Variants in GPHN observed in about 807,000 individuals in gnomAD.
GPHN encodes gephyrin.
A neutral mutation model predicts 95.5 loss-of-function variants in GPHN; 17 were observed. The ratio of observed to expected loss-of-function variants is 0.18; its 90% CI spans 0.12 to 0.27. GPHN has a LOEUF of 0.27. GPHN is among the 10% of genes least tolerant of loss of function. The pLI, the probability that GPHN is intolerant of heterozygous loss-of-function variation, is 1.00. For synonymous variants in GPHN, 320 were observed against 322.5 expected, an observed-to-expected ratio of 0.99 and a Z score of 0.08; for missense variants, 660 against 978.1, an observed-to-expected ratio of 0.67 and a Z score of 4.34.
rs768837286 is a variant in GPHN, at chr14:67,002,881, G to C, written c.964-20752G>C. ...TACATTATCTGTTAGGTTTTTCATAGAGTAAAATACGTTTTATGTATAGTG... is the reference window on the plus strand; with the variant it reads ...TACATTATCTGTTAGGTTTTTCATACAGTAAAATACGTTTTATGTATAGTG... On this transcript the variant is annotated intron_variant, in intron 9 of 22. Coordinates refer to ENST00000478722, the MANE Select transcript of GPHN (RefSeq NM_020806.5). Among the ~76,000 whole-genome samples, 31 of 151,448 alleles carry C rather than the reference G, an allele frequency of 2.0e-4. 1 individual carries two copies. Among genetic ancestry groups the C allele is most frequent in the Non-Finnish European group, 3.0e-4 (20 of 67,586 alleles).
chr14:67,701,682 A>C, the GPHN span, among the ~76,000 whole-genome samples: 2 of 151,978 alleles, frequency 1.3e-5, no homozygotes. Context: ...TCAGCCTCCC[A>C]AAGTGCTGGG....
chr14:67,568,025 G>A, the GPHN span, among the ~76,000 whole-genome samples: 1 of 152,204 alleles, frequency 6.6e-6, no homozygotes, highest in African/African-American at 2.4e-5. Flanking sequence ...TTCTCCCAGT[G>A]TCTTCTGCAT....
chr14:66,997,289 C>A (rs989156058), intron 9 of GPHN, among the ~76,000 whole-genome samples: 2 of 151,058 alleles, frequency 1.3e-5, no homozygotes, highest in Non-Finnish European at 1.5e-5. Context: ...ATCACTTGAA[C>A]CCGGGAGGCA....
the GPHN span, among the ~76,000 whole-genome samples, chr14:67,397,230 C>T: frequency 1.6e-4 from 25 of 152,340 alleles, no homozygotes; most frequent in Admixed American, 4.6e-4. Context: ...TGAGCCACCA[C>T]GCCCAGCCTA....
the GPHN span, chr14:67,411,881 C>T: frequency 6.6e-6 from 5 of 752,238 alleles, no homozygotes; most frequent in South Asian, 4.0e-5. Flanking sequence ...GGGCCACAGG[C>T]GGCCCGGTCC....
At chr14:66,865,464 C>G (rs1198766011) in intron 4 of GPHN, among the ~76,000 whole-genome samples, 2 of 151,924 alleles carry the variant, frequency 1.3e-5, no homozygotes, top group Non-Finnish European at 2.9e-5. Flanking sequence ...AGTCTCTGGG[C>G]AATTTGTGTT....
At chr14:67,411,896 A>T in the GPHN span, 1 of 901,646 alleles carries the variant, frequency 1.1e-6, no homozygotes, top group South Asian at 1.7e-5. Flanking sequence ...CGGTCCCACC[A>T]TGGGGGTTGG....
chr14:67,157,239 A>G (rs2081650227), intron 18 of GPHN, among the ~76,000 whole-genome samples: 1 of 152,192 alleles, frequency 6.6e-6, no homozygotes, highest in Non-Finnish European at 1.5e-5. Context: ...GAGAAAATTA[A>G]GGTAAAAAGG....
chr14:67,581,010 C>T, the GPHN span: 13 of 1,612,462 alleles, frequency 8.1e-6, no homozygotes, highest in African/African-American at 5.3e-5. Context: ...GGGTGGGACA[C>T]GCGTCGTGAA....
At chr14:67,585,989 G>A in the GPHN span, 11 of 1,613,894 alleles carry the variant, frequency 6.8e-6, no homozygotes, top group South Asian at 2.2e-5. Context: ...CAGTGACAAC[G>A]TTTGGTGGCT....
the GPHN span, among the ~76,000 whole-genome samples, chr14:67,262,600 C>T: frequency 1.3e-5 from 2 of 152,172 alleles, no homozygotes; most frequent in Non-Finnish European, 2.9e-5. Flanking sequence ...TTATTGGCCA[C>T]TCCACTTACA....
At chr14:67,484,704 G>C in the GPHN span, among the ~76,000 whole-genome samples, 11 of 152,102 alleles carry the variant, frequency 7.2e-5, no homozygotes, top group African/African-American at 1.9e-4. Flanking sequence ...CGGGAGGACT[G>C]CTTGAGCCCA....
chr14:67,056,432 T>C (rs2075569346), intron 10 of GPHN, among the ~76,000 whole-genome samples: 1 of 152,144 alleles, frequency 6.6e-6, no homozygotes, highest in African/African-American at 2.4e-5. Context: ...TGCTGATTGG[T>C]GTGTTTATAA....
chr14:67,379,921 CTT>C, the GPHN span, among the ~76,000 whole-genome samples: 38 of 151,678 alleles, frequency 2.5e-4, no homozygotes, highest in African/African-American at 9.2e-4. Context: ...CCCAAAGTGT[CTT>C]TTTTTCTTTT....
At chr14:67,455,781 C>G in the GPHN span, among the ~76,000 whole-genome samples, 21 of 152,088 alleles carry the variant, frequency 1.4e-4, no homozygotes, top group African/African-American at 5.1e-4. Flanking sequence ...ATTAATTAAG[C>G]ACCTGCTTTG....
At chr14:67,534,891 A>T in the GPHN span, among the ~76,000 whole-genome samples, 1 of 152,228 alleles carries the variant, frequency 6.6e-6, no homozygotes, top group African/African-American at 2.4e-5. Context: ...ACTCTGATGT[A>T]TATGAAATGG....
At chr14:67,049,006 G>A (rs2075167985) in intron 10 of GPHN, among the ~76,000 whole-genome samples, 1 of 151,980 alleles carries the variant, frequency 6.6e-6, no homozygotes, top group African/African-American at 2.4e-5. Context: ...TTTTTAAAAT[G>A]TTTCATTCCT....
chr14:66,943,438 C>G (rs78476241), intron 8 of GPHN, among the ~76,000 whole-genome samples: 1,831 of 152,278 alleles, frequency 0.012, 19 homozygotes, highest in Non-Finnish European at 0.018. Context: ...CTACATGTCC[C>G]TAGCCTTACC....
intron 1 of GPHN, among the ~76,000 whole-genome samples, chr14:66,564,551 A>G (rs1295836609): frequency 2.6e-5 from 4 of 152,200 alleles, no homozygotes; most frequent in Non-Finnish European, 4.4e-5. Flanking sequence ...AAACTAGCCA[A>G]TGATTGAAAG....
Sources: allele counts gnomAD v4.1 joint callset (sites outside exome capture counted in the v4.1 genomes callset), GRCh38; gene constraint gnomAD v4.1.1; transcripts MANE v1.5; gene names NCBI Gene and HGNC (gene_info 2026-07-23, HGNC 2026-07-21).